Variants in DLG2 observed in about 807,000 individuals in gnomAD.
The protein encoded by DLG2 is discs large MAGUK scaffold protein 2.
Under a neutral mutation model 132.5 loss-of-function variants are expected in DLG2, and 45 were observed. That is an observed-to-expected ratio of 0.34 (90% confidence interval 0.27 to 0.44). The LOEUF (loss-of-function observed/expected upper bound fraction) is 0.44, where lower values mean the gene tolerates loss of function less well. DLG2 is among the 20% of genes least tolerant of loss of function. The probability of loss-of-function intolerance (pLI) is 1.00; values close to 1 mark genes in which losing one functional copy is unlikely to be tolerated. For missense variants in DLG2, 1,045 were observed against 1,196.9 expected (o/e 0.87, Z 1.87); for synonymous variants, 424 against 419.6 (o/e 1.01, Z -0.13).
At chr11:84,350,184 C>CA (rs398045349) in intron 7 of DLG2, among the ~76,000 whole-genome samples, 1,958 of 101,306 alleles carry the variant, frequency 0.019, 24 homozygotes, top group East Asian at 0.072. Context: ...TCCCCCCCCC[C>CA]AAAAAAAAAA....
intron 6 of DLG2, among the ~76,000 whole-genome samples, chr11:84,857,423 AT>A (rs917490620): frequency 3.3e-5 from 5 of 151,968 alleles, no homozygotes; most frequent in Admixed American, 1.3e-4. Context: ...AAGAAGTAGT[AT>A]TGATTTTTTT....
chr11:84,760,233 A>T (rs532478035), intron 6 of DLG2, among the ~76,000 whole-genome samples: 5 of 152,306 alleles, frequency 3.3e-5, no homozygotes, highest in Non-Finnish European at 5.9e-5. Flanking sequence ...TCTAGTAATA[A>T]ATCTCTTAGT....
At chr11:83,717,184 G>A (rs2086908548) in intron 18 of DLG2, among the ~76,000 whole-genome samples, 1 of 152,048 alleles carries the variant, frequency 6.6e-6, no homozygotes, top group South Asian at 2.1e-4. Flanking sequence ...TTCCTTTGAA[G>A]CTACAGAGAA....
chr11:83,558,576 C>T (rs1015456937), intron 19 of DLG2, among the ~76,000 whole-genome samples: 2 of 152,106 alleles, frequency 1.3e-5, no homozygotes, highest in African/African-American at 2.4e-5. Context: ...TGTTACCATT[C>T]TCTCTATCGT....
intron 3 of DLG2, among the ~76,000 whole-genome samples, chr11:85,499,368 T>A (rs535044778): frequency 6.6e-6 from 1 of 151,838 alleles, no homozygotes; most frequent in Non-Finnish European, 1.5e-5. Flanking sequence ...AATTCATGGA[T>A]AAATACAACC....
chr11:85,070,976 G>C (rs1373897538), intron 6 of DLG2, among the ~76,000 whole-genome samples: 1 of 151,860 alleles, frequency 6.6e-6, no homozygotes, highest in Non-Finnish European at 1.5e-5. Context: ...GAGTCAGTCT[G>C]TCTGAGCTCA....
intron 7 of DLG2, among the ~76,000 whole-genome samples, chr11:84,373,264 AC>A (rs750172665): frequency 0.044 from 5,059 of 116,254 alleles, 771 homozygotes; most frequent in African/African-American, 0.16. Context: ...AAAAAAAAAA[AC>A]AAAACAAAAA....
At chr11:85,183,561 C>A (rs534868856) in intron 4 of DLG2, among the ~76,000 whole-genome samples, 15 of 151,982 alleles carry the variant, frequency 9.9e-5, no homozygotes, top group Admixed American at 7.9e-4. Context: ...CTTACTACAT[C>A]AAATCTTGGC....
chr11:84,298,138 A>G (rs1321541456), intron 7 of DLG2, among the ~76,000 whole-genome samples: 2 of 152,108 alleles, frequency 1.3e-5, no homozygotes, highest in African/African-American at 4.8e-5. Flanking sequence ...TGCCTGTTGT[A>G]TTTATTGCTA....
At chr11:85,133,106 G>GC in intron 5 of DLG2, 3 of 302,504 alleles carry the variant, frequency 9.9e-6, no homozygotes, top group South Asian at 6.1e-5. Flanking sequence ...TCCTGTGAGT[G>GC]CCCCGCACAG....
At chr11:84,280,357 A>G (rs1430813094) in intron 7 of DLG2, among the ~76,000 whole-genome samples, 1 of 150,940 alleles carries the variant, frequency 6.6e-6, no homozygotes, top group Non-Finnish European at 1.5e-5. Flanking sequence ...CAACCCCTGT[A>G]TCCCGGGTTC....
chr11:84,843,289 T>G (rs1034216405), intron 6 of DLG2, among the ~76,000 whole-genome samples: 11 of 144,024 alleles, frequency 7.6e-5, no homozygotes, highest in African/African-American at 3.0e-4. Flanking sequence ...AATAGTACTG[T>G]TAAAAAAAAA....
chr11:83,970,286 C>A (rs1185039702), intron 12 of DLG2, among the ~76,000 whole-genome samples: 1 of 152,138 alleles, frequency 6.6e-6, no homozygotes, highest in East Asian at 1.9e-4. Context: ...AAAATATTAC[C>A]TTCAACAACA....
intron 6 of DLG2, chr11:84,546,398 T>G (rs927304665): frequency 4.9e-6 from 1 of 205,912 alleles, no homozygotes; most frequent in Non-Finnish European, 1.0e-5. Context: ...GCCAGCATCA[T>G]GCTTCTGGCA....
At chr11:83,943,244 T>C (rs2083066721) in intron 14 of DLG2, among the ~76,000 whole-genome samples, 1 of 152,186 alleles carries the variant, frequency 6.6e-6, no homozygotes, top group African/African-American at 2.4e-5. Flanking sequence ...CCCTTAAATA[T>C]ATAAAAATTT....
chr11:85,509,134 T>C (rs2094000538), intron 3 of DLG2, among the ~76,000 whole-genome samples: 1 of 151,966 alleles, frequency 6.6e-6, no homozygotes, highest in Non-Finnish European at 1.5e-5. Flanking sequence ...TCGCAGTGAG[T>C]TTTAGGACTT....
intron 6 of DLG2, among the ~76,000 whole-genome samples, chr11:85,074,913 C>T (rs1593695298): frequency 6.6e-6 from 1 of 151,822 alleles, no homozygotes; most frequent in African/African-American, 2.4e-5. Flanking sequence ...GCAATAGGCC[C>T]TCACTGAAGT....
At chr11:84,445,900 A>G (rs1371745486) in intron 7 of DLG2, among the ~76,000 whole-genome samples, 1 of 127,526 alleles carries the variant, frequency 7.8e-6, no homozygotes, top group African/African-American at 3.1e-5. Context: ...TGGGCGACAG[A>G]GTGAGACTTC....
intron 18 of DLG2, among the ~76,000 whole-genome samples, chr11:83,708,450 C>CA (rs2084579384): frequency 6.6e-6 from 1 of 152,110 alleles, no homozygotes; most frequent in African/African-American, 2.4e-5. Flanking sequence ...TGACTGTAAA[C>CA]AAAGAGGAGA....
Sources: allele counts gnomAD v4.1 joint callset (sites outside exome capture counted in the v4.1 genomes callset), GRCh38; gene constraint gnomAD v4.1.1; transcripts MANE v1.5; gene names NCBI Gene and HGNC (gene_info 2026-07-23, HGNC 2026-07-21).